The following SWAP70 variants were observed in gnomAD, a reference collection of about 807,000 sequenced individuals.
The protein encoded by SWAP70 is switch-associated protein 70.
In SWAP70, 34 loss-of-function variants were observed where a neutral mutation model predicts 80.2. The ratio of observed to expected loss-of-function variants is 0.42; its 90% CI spans 0.32 to 0.56. The LOEUF (loss-of-function observed/expected upper bound fraction) is 0.56. Among genes scored for constraint, SWAP70 ranks in the 20% least tolerant of loss-of-function variants. SWAP70 has a pLI of 0.09. For missense variants in SWAP70, 578 were observed against 690.7 expected (o/e 0.84, Z 1.83); for synonymous variants, 239 against 238.5 (o/e 1.00, Z -0.02).
At chr11:9,675,747 T>C (rs1289147262) in intron 1 of SWAP70, among the ~76,000 whole-genome samples, 1 of 152,020 alleles carries the variant, frequency 6.6e-6, no homozygotes, top group African/African-American at 2.4e-5. Flanking sequence ...CCCTGTAATC[T>C]CACTGGGCAT....
At chr11:9,734,329 G>A (rs914850636) in intron 7 of SWAP70, among the ~76,000 whole-genome samples, 41 of 152,262 alleles carry the variant, frequency 2.7e-4, no homozygotes, top group African/African-American at 9.4e-4. Flanking sequence ...ACTTAGCATT[G>A]TACATTTGAG....
At chr11:9,673,931 G>T (rs1317411259) in intron 1 of SWAP70, among the ~76,000 whole-genome samples, 1 of 152,002 alleles carries the variant, frequency 6.6e-6, no homozygotes, top group East Asian at 1.9e-4. Context: ...ATGGAATCCC[G>T]CTCTGTCGCC....
chr11:9,734,217 T>G lies in SWAP70; in HGVS notation c.1080+1507T>G, dbSNP rs59782052. The stretch of plus-strand genomic sequence containing the variant: ...AGGTCTTTCCCTCATCCCTAACCCC[T>G]GGAAACCACTGATCAATTCTCTGTT... On this transcript the variant is annotated intron_variant, in intron 7 of 11. Coordinates refer to ENST00000318950, the MANE Select transcript of SWAP70 (RefSeq NM_015055.4). 4.3e-3 allele frequency among the ~76,000 whole-genome samples: 661 copies of G among 152,330 alleles called. 7 individuals are homozygous for G. The highest frequency in any genetic ancestry group is 0.015 in the African/African-American group (632 of 41,586).
Position 9,749,114 on chromosome 11 carries a change from A to G in SWAP70, c.1582A>G (p.Thr528Ala). ...EEVKKKLEMATNKTKSWKDKV... is the reference protein window; with the variant it reads ...EEVKKKLEMAANKTKSWKDKV... ...AGTTAAAAAGAAGCTGGAGATGGCA[A>G]CTAATAAGACCAAGAGCTGGAAGGA... Residue 528 changes from threonine to alanine, a missense_variant, in exon 11 of 12, where the codon ACT (threonine) becomes GCT (alanine). By Grantham distance (58) the Thr-to-Ala change is moderately conservative. Coordinates refer to ENST00000318950, the MANE Select transcript of SWAP70 (RefSeq NM_015055.4). 6.2e-7 allele frequency: 1 copy of G among 1,613,118 alleles called. No homozygotes were observed. Among genetic ancestry groups the G allele is most frequent in the Non-Finnish European group, 8.5e-7 (1 of 1,179,432 alleles).
intron 9 of SWAP70, 25 bp from the exon 10 acceptor site, chr11:9,747,833 T>C: frequency 3.1e-6 from 5 of 1,613,126 alleles, no homozygotes; most frequent in Non-Finnish European, 1.7e-6. Context: ...CAGGATTTGA[T>C]CTGGAGCTTT....
At chr11:9,712,939 C>T (rs1192982851) in intron 2 of SWAP70, among the ~76,000 whole-genome samples, 4 of 152,082 alleles carry the variant, frequency 2.6e-5, no homozygotes, top group South Asian at 2.1e-4. Flanking sequence ...TCAGGTGATC[C>T]GCCTGCCTCG....
At chr11:9,669,865 C>T (rs1385067628) in intron 1 of SWAP70, among the ~76,000 whole-genome samples, 1 of 152,130 alleles carries the variant, frequency 6.6e-6, no homozygotes, top group African/African-American at 2.4e-5. Context: ...CGGTGCCTCA[C>T]ACCTGTAATC....
chr11:9,690,070 G>A (rs1002314365), intron 1 of SWAP70, among the ~76,000 whole-genome samples: 5 of 152,142 alleles, frequency 3.3e-5, no homozygotes, highest in Admixed American at 2.0e-4. Flanking sequence ...TGTGATTTGG[G>A]ACACATCTCC....
chr11:9,719,463 G>A (rs145743217), intron 3 of SWAP70, among the ~76,000 whole-genome samples: 3 of 152,060 alleles, frequency 2.0e-5, no homozygotes, highest in African/African-American at 4.8e-5. Context: ...CAAGAGAATC[G>A]CTTGAACCCA....
At chr11:9,729,296 T>A in intron 5 of SWAP70, 47 bp from the exon 6 acceptor site, 1 of 1,158,042 alleles carries the variant, frequency 8.6e-7, no homozygotes, top group Non-Finnish European at 1.3e-6. Context: ...TTGAATTTCA[T>A]TTAAATACTT....
intron 3 of SWAP70, among the ~76,000 whole-genome samples, chr11:9,715,015 C>T (rs903035034): frequency 7.1e-6 from 1 of 140,710 alleles, no homozygotes; most frequent in Non-Finnish European, 1.5e-5. Flanking sequence ...TACTCTGTTG[C>T]CCTGGCTGGA....
chr11:9,676,343 A>AT (rs2134427238), intron 1 of SWAP70, among the ~76,000 whole-genome samples: 1 of 151,938 alleles, frequency 6.6e-6, no homozygotes, highest in African/African-American at 2.4e-5. Context: ...TTTTTCCACC[A>AT]TTTTTCCCCC....
At chr11:9,747,402 T>G (rs139838200) in intron 9 of SWAP70, among the ~76,000 whole-genome samples, 81 of 152,346 alleles carry the variant, frequency 5.3e-4, no homozygotes, top group Middle Eastern at 3.4e-3. Flanking sequence ...AGGTTTTTAC[T>G]AGATGAAAAT....
chr11:9,689,146 AGT>A (rs1198464868), intron 1 of SWAP70, among the ~76,000 whole-genome samples: 1 of 152,192 alleles, frequency 6.6e-6, no homozygotes, highest in Non-Finnish European at 1.5e-5. Context: ...AAAGGGAAAC[AGT>A]GTGTTACTGG....
At chr11:9,666,426 T>C (rs1043674180) in intron 1 of SWAP70, among the ~76,000 whole-genome samples, 1 of 152,126 alleles carries the variant, frequency 6.6e-6, no homozygotes, top group Non-Finnish European at 1.5e-5. Flanking sequence ...TATTTCTTCA[T>C]GTAGGTTTTT....
At chr11:9,728,592 G>A (rs1463764399) in intron 5 of SWAP70, among the ~76,000 whole-genome samples, 1 of 152,180 alleles carries the variant, frequency 6.6e-6, no homozygotes, top group African/African-American at 2.4e-5. Flanking sequence ...AGAAATAAAA[G>A]AAGATGTAAG....
At chr11:9,708,436 A>G (rs1164438757) in intron 2 of SWAP70, among the ~76,000 whole-genome samples, 1 of 152,148 alleles carries the variant, frequency 6.6e-6, no homozygotes, top group Non-Finnish European at 1.5e-5. Flanking sequence ...GGCTGTTCGT[A>G]TATATTATTT....
At chr11:9,674,188 A>G (rs1017268776) in intron 1 of SWAP70, among the ~76,000 whole-genome samples, 1 of 152,186 alleles carries the variant, frequency 6.6e-6, no homozygotes, top group African/African-American at 2.4e-5. Flanking sequence ...GGTGTGAGCC[A>G]CTGCACCTGG....
chr11:9,724,254 A>G (rs186821198), intron 3 of SWAP70, among the ~76,000 whole-genome samples: 1 of 152,360 alleles, frequency 6.6e-6, no homozygotes, highest in African/African-American at 2.4e-5. Flanking sequence ...TAAATTGATC[A>G]ATAACTTGTA....
Sources: gnomAD v4.1 joint callset for allele counts (sites outside exome capture counted in the v4.1 genomes callset) on GRCh38, gnomAD v4.1.1 for gene constraint, MANE v1.5 for transcripts, NCBI Gene and HGNC (gene_info 2026-07-23, HGNC 2026-07-21) for gene names.